GRK5: variants seen among roughly 807,000 people sequenced by gnomAD.
GRK5 encodes g protein-coupled receptor kinase GRK5.
GRK5 carries 40 observed loss-of-function variants against 78.4 expected under a neutral mutation model. That is an observed-to-expected ratio of 0.51 (90% confidence interval 0.40 to 0.66). The LOEUF (loss-of-function observed/expected upper bound fraction) is 0.66, where lower values mean the gene tolerates loss of function less well. Among genes scored for constraint, GRK5 ranks in the 30% least tolerant of loss-of-function variants. The pLI, the probability that GRK5 is intolerant of heterozygous loss-of-function variation, is 0.00. For synonymous variants in GRK5, 289 were observed against 296.8 expected (o/e 0.97, Z 0.27); for missense variants, 598 against 759.9 (o/e 0.79, Z 2.50).
In GRK5 at chr10:119,445,126, C is replaced by G. The variant is rs1265240233; in HGVS notation, c.1266+1374C>G. ...TTGGCCCGCCATGCAGCTGGGGCCTCAGAGAAAGCCACATGGTCATCGCAG... is the reference window on the plus strand; with the variant it reads ...TTGGCCCGCCATGCAGCTGGGGCCTGAGAGAAAGCCACATGGTCATCGCAG... On this transcript the variant is annotated intron_variant, in intron 12 of 15. Coordinates refer to ENST00000392870, the MANE Select transcript of GRK5 (RefSeq NM_005308.3). This position sits in a 1 kb window ranked among gnomAD's most constrained non-coding sequence, Gnocchi z 4.1. 1.3e-5 allele frequency among the ~76,000 whole-genome samples: 2 copies of G among 152,140 alleles called. No homozygotes were observed. Among genetic ancestry groups the G allele is most frequent in the East Asian group, 3.9e-4 (2 of 5,178 alleles).
chr10:119,374,888 T>C (rs1851599962), intron 2 of GRK5, among the ~76,000 whole-genome samples: 1 of 152,158 alleles, frequency 6.6e-6, no homozygotes, highest in African/African-American at 2.4e-5. Flanking sequence ...CTACCACGAT[T>C]GTAAGCTTCC....
intron 2 of GRK5, among the ~76,000 whole-genome samples, chr10:119,374,567 T>C (rs1851595228): frequency 6.6e-6 from 1 of 152,170 alleles, no homozygotes; most frequent in Admixed American, 6.5e-5. Flanking sequence ...TGGAAGTGAG[T>C]TGGCTGTGCC....
Position 119,253,316 on chromosome 10 carries a change from AAG to A in GRK5, c.52+45348_52+45349del, listed in dbSNP as rs2133756200. Among the ~76,000 whole-genome samples, 1 of 152,290 alleles carries A rather than the reference AAG, an allele frequency of 6.6e-6. No individual in the cohort carries two copies. The highest frequency in any genetic ancestry group is 6.5e-5 in the Admixed American group (1 of 15,310). On this transcript the variant is annotated intron_variant, in intron 1 of 15. Coordinates refer to ENST00000392870, the MANE Select transcript of GRK5 (RefSeq NM_005308.3). This position sits in a 1 kb window ranked among gnomAD's most constrained non-coding sequence, Gnocchi z 5.7. Reference sequence around the variant, plus strand: ...TCTCCAGTTCAGCATTGCATTAGAAAAGGAATTACATCAGGTCACTGATGTCT... The same window carrying A: ...TCTCCAGTTCAGCATTGCATTAGAAAGAATTACATCAGGTCACTGATGTCT...
chr10:119,352,593 T>C (rs565201850), intron 2 of GRK5, among the ~76,000 whole-genome samples: 2 of 146,808 alleles, frequency 1.4e-5, no homozygotes, highest in African/African-American at 4.9e-5. Flanking sequence ...GCCTCTGGAG[T>C]GGCCCCAATA....
chr10:119,268,836 C>CA (rs1372173804), intron 1 of GRK5, among the ~76,000 whole-genome samples: 1 of 152,238 alleles, frequency 6.6e-6, no homozygotes, highest in Non-Finnish European at 1.5e-5. Context: ...GCCCTGTCTC[C>CA]AGGCCTTGAT....
intron 3 of GRK5, among the ~76,000 whole-genome samples, chr10:119,389,825 CA>C (rs1851859378): frequency 6.6e-6 from 1 of 151,856 alleles, no homozygotes; most frequent in Non-Finnish European, 1.5e-5. Context: ...CACACACACA[CA>C]CACACACACA....
At chr10:119,424,898 T>C in intron 5 of GRK5, 95 bp from the exon 6 acceptor site, 2 of 849,994 alleles carry the variant, frequency 2.4e-6, no homozygotes, top group African/African-American at 1.7e-5. Flanking sequence ...TGAGAGGCCC[T>C]GTTTACTTGC....
chr10:119,279,727 G>A (rs1446441279), intron 1 of GRK5, among the ~76,000 whole-genome samples: 1 of 152,102 alleles, frequency 6.6e-6, no homozygotes, highest in Non-Finnish European at 1.5e-5. Context: ...GAAGAGCCAC[G>A]CAGCAGCACT....
Position 119,231,655 on chromosome 10 carries a change from C to T in GRK5, c.52+23686C>T, listed in dbSNP as rs1485933712. On this transcript the variant is annotated intron_variant, in intron 1 of 15. Transcript: ENST00000392870. ...CTGGGAGGCGGAGGTTGCAGTGAGC[C>T]GAGATCGTGCCACCGCACTCTAGCC... Among the ~76,000 whole-genome samples the T allele has an allele frequency of 4.7e-5, 7 of 148,534 alleles. No individual in the cohort carries two copies. The East Asian group carries it at 9.8e-4, about 21-fold the overall frequency.
chr10:119,320,422 G>A (rs1405025647), intron 1 of GRK5, among the ~76,000 whole-genome samples: 1 of 152,216 alleles, frequency 6.6e-6, no homozygotes, highest in East Asian at 1.9e-4. Context: ...GGCACGTAGA[G>A]GTTGAATGAG....
At chr10:119,443,510 C>T in intron 11 of GRK5, 34 bp from the exon 12 acceptor site, 1 of 1,567,854 alleles carries the variant, frequency 6.4e-7, no homozygotes, top group Non-Finnish European at 8.7e-7. Context: ...TGTCTCCCTC[C>T]TCCTCACTCC....
intron 1 of GRK5, among the ~76,000 whole-genome samples, chr10:119,215,433 T>G (rs1589683192): frequency 7.6e-6 from 1 of 131,110 alleles, no homozygotes; most frequent in African/African-American, 2.9e-5. Context: ...AGAGAGACAG[T>G]GTGGAGGAGG....
intron 6 of GRK5, among the ~76,000 whole-genome samples, chr10:119,428,583 G>A (rs963084225): frequency 6.6e-6 from 1 of 152,076 alleles, no homozygotes; most frequent in Admixed American, 6.5e-5. Flanking sequence ...GAACCCAGAG[G>A]CCCCCTCCCA....
At chr10:119,449,264 C>G (rs1007490393) in intron 13 of GRK5, among the ~76,000 whole-genome samples, 2 of 152,222 alleles carry the variant, frequency 1.3e-5, no homozygotes, top group African/African-American at 2.4e-5. Flanking sequence ...TCTCCCAGAA[C>G]CAGTGGTTAT....
chr10:119,240,030 A>G (rs1425761482), intron 1 of GRK5, among the ~76,000 whole-genome samples: 1 of 152,088 alleles, frequency 6.6e-6, no homozygotes, highest in African/African-American at 2.4e-5. Context: ...TTGGGTATAT[A>G]CCCAGTAATG....
At chr10:119,440,520 G>C (rs1427892692) in intron 10 of GRK5, among the ~76,000 whole-genome samples, 1 of 151,416 alleles carries the variant, frequency 6.6e-6, no homozygotes, top group African/African-American at 2.4e-5. Flanking sequence ...TGGGATTACA[G>C]GTGCACGCCA....
At chr10:119,435,304 G>A (rs547522606) in intron 8 of GRK5, among the ~76,000 whole-genome samples, 5 of 152,240 alleles carry the variant, frequency 3.3e-5, no homozygotes, top group Non-Finnish European at 7.4e-5. Context: ...TCAGAAAATG[G>A]GATTTTCTTT....
intron 1 of GRK5, among the ~76,000 whole-genome samples, chr10:119,323,840 C>T (rs911396572): frequency 1.1e-4 from 16 of 152,092 alleles, no homozygotes; most frequent in Non-Finnish European, 2.1e-4. Context: ...TTTTATCCCT[C>T]ACCTCCCTCC....
chr10:119,225,850 T>G (rs1234521597), intron 1 of GRK5, among the ~76,000 whole-genome samples: 1 of 150,470 alleles, frequency 6.6e-6, no homozygotes, highest in Non-Finnish European at 1.5e-5. Flanking sequence ...TTTGTATTTT[T>G]TTTTCTTTTT....
Sources: gnomAD v4.1 joint callset for allele counts (sites outside exome capture counted in the v4.1 genomes callset) on GRCh38, gnomAD v4.1.1 for gene constraint, Gnocchi (gnomAD v3.1) non-coding constraint, MANE v1.5 for transcripts, NCBI Gene and HGNC (gene_info 2026-07-23, HGNC 2026-07-21) for gene names.